The following EFCAB5 variants were observed in gnomAD, a reference collection of about 807,000 sequenced individuals.
EFCAB5 encodes EF-hand calcium-binding domain-containing protein 5.
EFCAB5 carries 131 observed loss-of-function variants against 167.9 expected under a neutral mutation model. The observed-to-expected ratio is 0.78, with a 90% CI of 0.68 to 0.90. EFCAB5 has a LOEUF of 0.90. Ranked by LOEUF, EFCAB5 falls within the 40% of genes least tolerant of loss-of-function variation. EFCAB5 has a pLI of 0.00. For synonymous variants in EFCAB5, 574 were observed against 602.8 expected, an observed-to-expected ratio of 0.95 and a Z score of 0.70; for missense variants, 1,663 against 1,745.2, an observed-to-expected ratio of 0.95 and a Z score of 0.84.
chr17:29,956,639 C>A (rs1378504946), intron 3 of EFCAB5, among the ~76,000 whole-genome samples: 1 of 152,180 alleles, frequency 6.6e-6, no homozygotes, highest in East Asian at 1.9e-4. Flanking sequence ...TGTATGGATG[C>A]AGCTTTAGAC....
chr17:30,028,644 T>C (rs1417682116), intron 7 of EFCAB5, among the ~76,000 whole-genome samples: 2 of 152,248 alleles, frequency 1.3e-5, no homozygotes, highest in African/African-American at 2.4e-5. Context: ...CAAATCCTTA[T>C]TGGCTGTATT....
intron 4 of EFCAB5, among the ~76,000 whole-genome samples, chr17:29,974,831 G>T (rs993551505): frequency 1.3e-5 from 2 of 152,012 alleles, no homozygotes; most frequent in South Asian, 4.1e-4. Context: ...TTTATTAGTG[G>T]ATACTGAAAT....
intron 8 of EFCAB5, among the ~76,000 whole-genome samples, chr17:30,037,198 T>G (rs1276622021): frequency 6.6e-6 from 1 of 152,108 alleles, no homozygotes; most frequent in Non-Finnish European, 1.5e-5. Context: ...TAGATGGGCC[T>G]GAAGATACTC....
intron 3 of EFCAB5, among the ~76,000 whole-genome samples, chr17:29,962,330 A>G (rs1441876169): frequency 6.6e-6 from 1 of 152,062 alleles, no homozygotes; most frequent in African/African-American, 2.4e-5. Context: ...ACATCTTTCT[A>G]TTTATTTATG....
intron 20 of EFCAB5, among the ~76,000 whole-genome samples, 154 bp downstream of exon 20, chr17:30,090,828 G>A (rs547160584): frequency 3.9e-5 from 6 of 152,290 alleles, no homozygotes; most frequent in Admixed American, 2.0e-4. Flanking sequence ...GTCTTGCGCT[G>A]ACGAGTAATG....
chr17:30,107,362 CATT>C (rs1351436925), intron 22 of EFCAB5, among the ~76,000 whole-genome samples: 1 of 151,832 alleles, frequency 6.6e-6, no homozygotes, highest in East Asian at 1.9e-4. Flanking sequence ...TTAAAGAAAA[CATT>C]ATAGGAACAG....
At chr17:30,089,482 G>A (rs1404987927) in intron 19 of EFCAB5, among the ~76,000 whole-genome samples, 1 of 152,100 alleles carries the variant, frequency 6.6e-6, no homozygotes, top group African/African-American at 2.4e-5. Flanking sequence ...CAGAATTAAT[G>A]TAGATGGGGA....
chr17:29,980,207 C>T (rs937271570), intron 4 of EFCAB5, among the ~76,000 whole-genome samples: 1 of 152,046 alleles, frequency 6.6e-6, no homozygotes, highest in Admixed American at 6.6e-5. Context: ...ACTGAGGAAC[C>T]TTTACTCAGT....
chr17:30,092,105 A>C lies in EFCAB5; in HGVS notation c.4172A>C (p.His1391Pro). The C allele has an allele frequency of 6.2e-7, 1 of 1,613,962 alleles. No homozygotes were observed. Among genetic ancestry groups the C allele is most frequent in the Non-Finnish European group, 8.5e-7 (1 of 1,179,864 alleles). ...DILKAVILFFHPELEFSSDFG... is the reference protein window; with the variant it reads ...DILKAVILFFPPELEFSSDFG... ...CTGAAGGCGGTTATCTTGTTCTTTCATCCAGAGTTGGAATTTTCAAGTGAC... is the reference window on the plus strand; with the variant it reads ...CTGAAGGCGGTTATCTTGTTCTTTCCTCCAGAGTTGGAATTTTCAAGTGAC... Residue 1391 changes from histidine to proline, a missense_variant, in exon 21 of 23, where the codon CAT becomes CCT. Coordinates refer to ENST00000394835, the MANE Select transcript of EFCAB5 (RefSeq NM_198529.4).
intron 7 of EFCAB5, among the ~76,000 whole-genome samples, chr17:30,028,094 A>G (rs2069380696): frequency 1.3e-5 from 2 of 152,198 alleles, no homozygotes; most frequent in East Asian, 3.8e-4. Flanking sequence ...AATAAGGGCC[A>G]TGCCTCTGCC....
At chr17:30,058,168 A>G (rs2070327389) in intron 13 of EFCAB5, among the ~76,000 whole-genome samples, 1 of 152,186 alleles carries the variant, frequency 6.6e-6, no homozygotes, top group South Asian at 2.1e-4. Flanking sequence ...TGAGAAGCAG[A>G]TATGGATATA....
chr17:29,943,041 AATAT>A (rs34181760), intron 2 of EFCAB5, among the ~76,000 whole-genome samples: 62,177 of 147,560 alleles, frequency 0.42, 14,011 homozygotes, highest in East Asian at 0.68. Flanking sequence ...GCATCTCCAA[AATAT>A]ATATATATAT....
At chr17:30,062,868 C>T (rs2070461965) in intron 14 of EFCAB5, among the ~76,000 whole-genome samples, 1 of 152,182 alleles carries the variant, frequency 6.6e-6, no homozygotes, top group Admixed American at 6.5e-5. Context: ...CCACTCAAAG[C>T]AGTCATTCCT....
At chr17:29,955,671 C>T (rs1567676499) in intron 3 of EFCAB5, among the ~76,000 whole-genome samples, 1 of 151,872 alleles carries the variant, frequency 6.6e-6, no homozygotes, top group African/African-American at 2.4e-5. Flanking sequence ...TCAGAGATGA[C>T]ACAAATGGAA....
chr17:29,972,138 C>T (rs549426168), intron 4 of EFCAB5, among the ~76,000 whole-genome samples: 20 of 151,486 alleles, frequency 1.3e-4, no homozygotes, highest in African/African-American at 4.4e-4. Flanking sequence ...CCCGGGTTCA[C>T]GCCATTCTCC....
chr17:29,941,536 G>A (rs1381611488), upstream of EFCAB5: 2 of 296,180 alleles, frequency 6.8e-6, no homozygotes, highest in Non-Finnish European at 6.2e-6. Flanking sequence ...TGATTACTAT[G>A]GTGAGTTTTC....
chr17:30,087,189 T>C (rs1263663515), intron 19 of EFCAB5, 23 bp downstream of exon 19: 12 of 1,601,792 alleles, frequency 7.5e-6, no homozygotes, highest in Admixed American at 1.7e-5. Flanking sequence ...TCTGTTTTGT[T>C]TGACTGCTAG....
chr17:29,957,692 G>C (rs1036991609), intron 3 of EFCAB5, among the ~76,000 whole-genome samples: 1 of 152,176 alleles, frequency 6.6e-6, no homozygotes, highest in African/African-American at 2.4e-5. Context: ...GTATTCCATA[G>C]TATATATGTA....
chr17:30,073,907 A>G (rs1399271141), intron 14 of EFCAB5: 1 of 289,486 alleles, frequency 3.5e-6, no homozygotes, highest in Non-Finnish European at 6.5e-6. Context: ...AAAAAAATAA[A>G]TAAAAGATAT....
Sources: gnomAD v4.1 joint callset for allele counts (sites outside exome capture counted in the v4.1 genomes callset) on GRCh38, gnomAD v4.1.1 for gene constraint, MANE v1.5 for transcripts, NCBI Gene and HGNC (gene_info 2026-07-23, HGNC 2026-07-21) for gene names.